Variants in SH3KBP1 observed in about 807,000 individuals in gnomAD.
SH3KBP1 encodes SH3 domain containing kinase binding protein 1, also known as SH3 domain-containing kinase-binding protein 1.
Under a neutral mutation model 50.1 loss-of-function variants are expected in SH3KBP1, and 8 were observed. That is an observed-to-expected ratio of 0.16 (90% CI 0.09 to 0.29). The LOEUF is 0.29. SH3KBP1 is among the 10% of genes least tolerant of loss of function. The pLI, the probability that SH3KBP1 is intolerant of heterozygous loss-of-function variation, is 1.00. For synonymous variants in SH3KBP1, 227 were observed against 218.6 expected (o/e 1.04, Z -0.34); for missense variants, 377 against 535.2 (o/e 0.70, Z 2.92).
chrX:19,754,456 T>C (rs1036690940), intron 2 of SH3KBP1, among the ~76,000 whole-genome samples: 4 of 112,049 alleles, frequency 3.6e-5, no homozygotes, highest in Non-Finnish European at 5.6e-5. Flanking sequence ...ACCAATTTAG[T>C]AGAGTGTTAT....
At chrX:19,690,423 A>C (rs1200117333) in intron 5 of SH3KBP1, among the ~76,000 whole-genome samples, 2 of 111,445 alleles carry the variant, frequency 1.8e-5, no homozygotes, top group East Asian at 5.6e-4. Context: ...TTTTTAAATA[A>C]GGAATTAGGA....
intron 2 of SH3KBP1, chrX:19,747,553 G>A (rs991560478): frequency 1.8e-5 from 6 of 327,098 alleles, no homozygotes; most frequent in Non-Finnish European, 3.7e-5. Context: ...TTGGGTAGAG[G>A]GCCATGACTA....
intron 12 of SH3KBP1, among the ~76,000 whole-genome samples, chrX:19,569,682 C>G (rs764909707): frequency 8.9e-6 from 1 of 112,003 alleles, no homozygotes; most frequent in Non-Finnish European, 1.9e-5. Flanking sequence ...GAGTTGAGAT[C>G]TGGCGGCCTG....
chrX:19,554,065 TTAAAATA>T (rs2065362119), intron 13 of SH3KBP1, among the ~76,000 whole-genome samples: 10 of 53,362 alleles, frequency 1.9e-4, no homozygotes, highest in Non-Finnish European at 2.8e-4. Context: ...ATTATATATA[TTAAAATA>T]CATTATATAT....
chrX:19,572,325 CAT>C (rs769790011), intron 12 of SH3KBP1, among the ~76,000 whole-genome samples: 143 of 102,260 alleles, frequency 1.4e-3, no homozygotes, highest in African/African-American at 1.9e-3. Context: ...TTATATAGTA[CAT>C]ATATATGTTA....
At chrX:19,752,361 G>A (rs1402766977) in intron 2 of SH3KBP1, among the ~76,000 whole-genome samples, 2 of 112,308 alleles carry the variant, frequency 1.8e-5, no homozygotes, top group Non-Finnish European at 3.8e-5. Context: ...GTGAATTAGA[G>A]AGTAGTATAC....
intron 2 of SH3KBP1, among the ~76,000 whole-genome samples, chrX:19,804,882 A>C (rs936776872): frequency 0.2 from 3,376 of 17,116 alleles, 1 homozygote; most frequent in Middle Eastern, 0.3. Context: ...CCCAAACCCT[A>C]CCCCCCCCCC....
chrX:19,614,395 T>C (rs2067537442), intron 8 of SH3KBP1, among the ~76,000 whole-genome samples: 1 of 112,605 alleles, frequency 8.9e-6, no homozygotes, highest in African/African-American at 3.2e-5. Flanking sequence ...GCCACCTAGC[T>C]TGTACATTGG....
chrX:19,558,779 T>C (rs769909341), intron 13 of SH3KBP1, among the ~76,000 whole-genome samples: 10 of 112,365 alleles, frequency 8.9e-5, no homozygotes, highest in South Asian at 3.6e-4. Context: ...ATTATTAGTA[T>C]ACAAATGATC....
At chrX:19,752,709 T>G (rs1234237530) in intron 2 of SH3KBP1, among the ~76,000 whole-genome samples, 1 of 112,558 alleles carries the variant, frequency 8.9e-6, no homozygotes, top group Non-Finnish European at 1.9e-5. Context: ...CTTCACTGCA[T>G]GCAATTTCAA....
At chrX:19,608,269 C>G (rs1189428593) in intron 8 of SH3KBP1, among the ~76,000 whole-genome samples, 1 of 110,368 alleles carries the variant, frequency 9.1e-6, no homozygotes, top group Non-Finnish European at 1.9e-5. Context: ...TTTAGATGCC[C>G]TGAATCAATA....
At chrX:19,722,531 G>GGTGTGTGTGTGTGTGTGTGTGT (rs59121045) in intron 3 of SH3KBP1, among the ~76,000 whole-genome samples, 8 of 101,046 alleles carry the variant, frequency 7.9e-5, no homozygotes, top group African/African-American at 3.0e-4. Context: ...CAGCTGCACT[G>GGTGTGTGTGTGTGTGTGTGTGT]GTGTGTGTGT....
At chrX:19,805,526 A>T (rs1162226500) in intron 2 of SH3KBP1, among the ~76,000 whole-genome samples, 9 of 71,938 alleles carry the variant, frequency 1.3e-4, no homozygotes, top group South Asian at 5.3e-4. Context: ...GCTGCATATT[A>T]AAAAAAAAAA....
intron 9 of SH3KBP1, among the ~76,000 whole-genome samples, chrX:19,602,509 C>T (rs924476301): frequency 8.9e-6 from 1 of 111,985 alleles, no homozygotes; most frequent in African/African-American, 3.2e-5. Flanking sequence ...TTGACAAACC[C>T]CATTTCTTTG....
intron 8 of SH3KBP1, among the ~76,000 whole-genome samples, chrX:19,629,255 G>A (rs1416999994): frequency 9.0e-6 from 1 of 111,500 alleles, no homozygotes; most frequent in African/African-American, 3.3e-5. Context: ...ACAGCCACAT[G>A]GACCAAGGCC....
rs774134070 is a variant in SH3KBP1 at position 19,543,453 on chromosome X, G to A, written c.1624-1260C>T. Among the ~76,000 whole-genome samples the A allele has an allele frequency of 9.7e-4, 109 of 111,834 alleles. 1 individual carries two copies. Among genetic ancestry groups the A allele is most frequent in the Non-Finnish European group, 1.7e-3 (90 of 53,111 alleles). ...CAGAAGGAACGAAGTGGTTGCATGCGTGGGTGAAGGGTGCTGAGAGGAAAA... is the reference window on the plus strand; with the variant it reads ...CAGAAGGAACGAAGTGGTTGCATGCATGGGTGAAGGGTGCTGAGAGGAAAA... On this transcript the variant is annotated intron_variant, in intron 15 of 17. Transcript: ENST00000397821.
At chrX:19,584,294 T>A (rs897923874) in intron 12 of SH3KBP1, among the ~76,000 whole-genome samples, 45 of 95,320 alleles carry the variant, frequency 4.7e-4, no homozygotes, top group Middle Eastern at 0.011. Context: ...TATATTTATA[T>A]TTATATTTAT....
At chrX:19,633,937 C>T (rs1030804126) in intron 7 of SH3KBP1, among the ~76,000 whole-genome samples, 2 of 109,869 alleles carry the variant, frequency 1.8e-5, no homozygotes, top group South Asian at 3.9e-4. Context: ...TTGTTGGTGA[C>T]TGGTTTAGGG....
chrX:19,535,448 A>G lies in SH3KBP1; in HGVS notation c.*969T>C. 8.6e-6 allele frequency: 1 copy of G among 116,641 alleles called. No homozygotes were observed. Among genetic ancestry groups the G allele is most frequent in the Non-Finnish European group, 1.8e-5 (1 of 55,207 alleles). 9.6% of individuals were successfully genotyped at this position (116,641 alleles called of 1,213,427 possible). ...ACTTTTATTTATTTTTGCTTTAATA[A>G]TGCATATTCTGTTCACGCAAAAGGT... is the stretch of plus-strand genomic sequence containing the variant. On this transcript the variant is annotated 3_prime_UTR_variant, in exon 18 of 18. Coordinates refer to ENST00000397821, the MANE Select transcript of SH3KBP1 (RefSeq NM_031892.3).
Sources: allele counts gnomAD v4.1 joint callset (sites outside exome capture counted in the v4.1 genomes callset), GRCh38; gene constraint gnomAD v4.1.1; transcripts MANE v1.5; gene names NCBI Gene and HGNC (gene_info 2026-07-23, HGNC 2026-07-21).